The following FOXP2 variants were observed in gnomAD, a reference collection of about 807,000 sequenced individuals.
FOXP2 encodes forkhead box P2, also known as forkhead box protein P2.
FOXP2 carries 12 observed loss-of-function variants against 115.8 expected under a neutral mutation model. The observed-to-expected ratio is 0.10, with a 90% CI of 0.07 to 0.17. The LOEUF (loss-of-function observed/expected upper bound fraction) is 0.17, where lower values mean the gene tolerates loss of function less well. Ranked by LOEUF, FOXP2 falls within the 10% of genes least tolerant of loss-of-function variation. The pLI is 1.00. For missense variants in FOXP2, 629 were observed against 843.5 expected (o/e 0.75, Z 3.15); for synonymous variants, 328 against 297.7 (o/e 1.10, Z -1.05).
At chr7:114,575,683 T>A (rs1801537946) in intron 3 of FOXP2, among the ~76,000 whole-genome samples, 1 of 151,880 alleles carries the variant, frequency 6.6e-6, no homozygotes, top group East Asian at 1.9e-4. Context: ...TGTCCCCCAA[T>A]TGTCTGTATC....
At chr7:114,646,472 T>C (rs983027900) in intron 8 of FOXP2, among the ~76,000 whole-genome samples, 1 of 152,084 alleles carries the variant, frequency 6.6e-6, no homozygotes, top group African/African-American at 2.4e-5. Flanking sequence ...TTCATGCCAG[T>C]GTTTTTTAAA....
At chr7:114,355,560 G>A (rs1916980) in intron 2 of FOXP2, among the ~76,000 whole-genome samples, 69,577 of 151,812 alleles carry the variant, frequency 0.46, 17,514 homozygotes, top group East Asian at 0.84. Flanking sequence ...CAGACTGTCC[G>A]GAAGGCTGCA....
At chr7:114,438,121 A>G (rs143731144) in intron 2 of FOXP2, among the ~76,000 whole-genome samples, 2,779 of 152,268 alleles carry the variant, frequency 0.018, 41 homozygotes, top group Non-Finnish European at 0.027. Flanking sequence ...AATTAACTAC[A>G]TGGATCACAT....
At chr7:114,641,212 C>G (rs1038806087) in intron 6 of FOXP2, among the ~76,000 whole-genome samples, 12 of 151,966 alleles carry the variant, frequency 7.9e-5, no homozygotes, top group African/African-American at 2.4e-4. Context: ...TTAGTTTGTA[C>G]TGAGGATTAA....
chr7:114,279,701 A>G (rs959128033), intron 1 of FOXP2, among the ~76,000 whole-genome samples: 9 of 152,142 alleles, frequency 5.9e-5, no homozygotes, highest in African/African-American at 1.9e-4. Flanking sequence ...GAAATGAAAA[A>G]ATGTAATCCA....
chr7:114,271,756 T>C (rs998070194), intron 1 of FOXP2, among the ~76,000 whole-genome samples: 6 of 118,418 alleles, frequency 5.1e-5, no homozygotes, highest in African/African-American at 1.7e-4. Flanking sequence ...GCATTAAATA[T>C]ATATTATTTA....
chr7:114,461,479 T>G (rs966803979), intron 2 of FOXP2, among the ~76,000 whole-genome samples: 4 of 152,182 alleles, frequency 2.6e-5, no homozygotes, highest in Admixed American at 6.5e-5. Context: ...GTGGAATTTT[T>G]TTTTTTGGCT....
intron 1 of FOXP2, among the ~76,000 whole-genome samples, chr7:114,228,768 A>G (rs1206534182): frequency 1.3e-5 from 2 of 151,632 alleles, no homozygotes; most frequent in Non-Finnish European, 3.0e-5. Context: ...AAATAAAATG[A>G]GAAAGGAAAC....
chr7:114,506,454 T>C (rs1040038743), intron 2 of FOXP2, among the ~76,000 whole-genome samples: 1 of 151,762 alleles, frequency 6.6e-6, no homozygotes, highest in Middle Eastern at 3.4e-3. Flanking sequence ...AGAAATCATA[T>C]ATTAGTACTA....
At chr7:114,593,094 C>A (rs1393471373) in intron 3 of FOXP2, among the ~76,000 whole-genome samples, 1 of 151,672 alleles carries the variant, frequency 6.6e-6, no homozygotes, top group African/African-American at 2.4e-5. Flanking sequence ...GTTTTGGTTT[C>A]TTTCAGTTGT....
rs77761140 is a variant in FOXP2 at position 114,143,147 on chromosome 7, CAATAAT to C, written c.-246-19762_-246-19757del. 5.5e-3 allele frequency among the ~76,000 whole-genome samples: 772 copies of C among 139,534 alleles called. 7 individuals carry two copies. The highest frequency in any genetic ancestry group is 0.014 in the African/African-American group (538 of 37,722). 91.5% of individuals were successfully genotyped at this position (139,534 alleles called of 152,430 possible). Reference sequence around the variant, plus strand: ...TGGGGGACAGAGCAAGACCCTGTCTCAATAATAATAATAATAATAATAATAATAATA... The same window carrying C: ...TGGGGGACAGAGCAAGACCCTGTCTCAATAATAATAATAATAATAATAATA... On this transcript the variant is annotated intron_variant, in intron 1 of 19. Coordinates refer to the FOXP2 transcript ENST00000635638.
intron 1 of FOXP2, among the ~76,000 whole-genome samples, chr7:114,268,312 C>T (rs1795948892): frequency 6.6e-6 from 1 of 151,968 alleles, no homozygotes; most frequent in Non-Finnish European, 1.5e-5. Context: ...CTTGGTAGGA[C>T]ATGGAATTAA....
At chr7:114,354,154 A>G (rs953598498) in intron 2 of FOXP2, among the ~76,000 whole-genome samples, 1 of 152,096 alleles carries the variant, frequency 6.6e-6, no homozygotes, top group African/African-American at 2.4e-5. Flanking sequence ...TGAGACATCT[A>G]TCTTCTCCTT....
intron 2 of FOXP2, among the ~76,000 whole-genome samples, chr7:114,407,434 A>G (rs1183259737): frequency 6.6e-6 from 1 of 152,170 alleles, no homozygotes; most frequent in East Asian, 1.9e-4. Context: ...ATTTCATAGC[A>G]TAAACAACAA....
At chr7:114,291,576 T>C (rs991481433) in intron 2 of FOXP2, among the ~76,000 whole-genome samples, 4 of 151,850 alleles carry the variant, frequency 2.6e-5, no homozygotes, top group African/African-American at 7.3e-5. Flanking sequence ...CAGTTTAGCT[T>C]AGGGTCTTAA....
chr7:114,274,302 A>G (rs1796130439), intron 1 of FOXP2, among the ~76,000 whole-genome samples: 1 of 152,148 alleles, frequency 6.6e-6, no homozygotes, highest in African/African-American at 2.4e-5. Context: ...TGAGATATGT[A>G]CATTGAGATT....
chr7:114,260,795 T>C (rs1302857721), intron 1 of FOXP2, among the ~76,000 whole-genome samples: 1 of 152,018 alleles, frequency 6.6e-6, no homozygotes, highest in East Asian at 1.9e-4. Context: ...TCCAAGCTAG[T>C]GAATATCTTA....
chr7:114,443,624 C>G (rs1048893037), intron 2 of FOXP2, among the ~76,000 whole-genome samples: 2 of 152,060 alleles, frequency 1.3e-5, no homozygotes, highest in African/African-American at 4.8e-5. Flanking sequence ...CCAACTTTGT[C>G]CATATGTACT....
chr7:114,151,697 T>A (rs557539384), intron 1 of FOXP2, among the ~76,000 whole-genome samples: 46 of 152,240 alleles, frequency 3.0e-4, no homozygotes, highest in Middle Eastern at 6.8e-3. Context: ...TGAGAAAAAT[T>A]GTGTTTTATT....
Sources: allele counts gnomAD v4.1 joint callset (sites outside exome capture counted in the v4.1 genomes callset), GRCh38; gene constraint gnomAD v4.1.1; transcripts MANE v1.5; gene names NCBI Gene and HGNC (gene_info 2026-07-23, HGNC 2026-07-21).